GALNTL6: variants seen among roughly 807,000 people sequenced by gnomAD.
GALNTL6 encodes the protein polypeptide N-acetylgalactosaminyltransferase-like 6.
A neutral mutation model predicts 73.7 loss-of-function variants in GALNTL6; 46 were observed. The observed-to-expected ratio is 0.62, with a 90% CI of 0.49 to 0.80. The LOEUF (loss-of-function observed/expected upper bound fraction) is 0.80. Ranked by LOEUF, GALNTL6 falls within the 30% of genes least tolerant of loss-of-function variation. The pLI is 0.00. For missense variants in GALNTL6, 604 were observed against 755.0 expected (o/e 0.80, Z 2.34); for synonymous variants, 259 against 263.7 (o/e 0.98, Z 0.17).
intron 2 of GALNTL6, among the ~76,000 whole-genome samples, chr4:171,883,606 T>C (rs1736520940): frequency 6.6e-6 from 1 of 152,062 alleles, no homozygotes; most frequent in Admixed American, 6.6e-5. Context: ...AATAGGTTTG[T>C]CTGAGGATCT....
chr4:172,838,763 A>C (rs1743048612), intron 7 of GALNTL6, among the ~76,000 whole-genome samples: 1 of 152,198 alleles, frequency 6.6e-6, no homozygotes, highest in Non-Finnish European at 1.5e-5. Flanking sequence ...ATAGGCACCA[A>C]AGACTCCACT....
chr4:172,743,226 C>G (rs1736901550), intron 5 of GALNTL6, among the ~76,000 whole-genome samples: 1 of 152,112 alleles, frequency 6.6e-6, no homozygotes, highest in African/African-American at 2.4e-5. Flanking sequence ...TCTACTTGAT[C>G]AGAAGACCCA....
chr4:172,738,977 G>T (rs1040547419), intron 5 of GALNTL6, among the ~76,000 whole-genome samples: 7 of 152,178 alleles, frequency 4.6e-5, no homozygotes, highest in African/African-American at 9.7e-5. Flanking sequence ...CCATGCAGAT[G>T]AAGCCTCCAG....
At chr4:172,308,930 A>G (rs538435285) in intron 3 of GALNTL6, among the ~76,000 whole-genome samples, 75 of 152,318 alleles carry the variant, frequency 4.9e-4, no homozygotes, top group South Asian at 1.9e-3. Flanking sequence ...AAGTAATTTA[A>G]CACAATACTT....
At chr4:172,479,854 T>C (rs1392998456) in intron 5 of GALNTL6, among the ~76,000 whole-genome samples, 5 of 152,238 alleles carry the variant, frequency 3.3e-5, no homozygotes, top group Non-Finnish European at 7.3e-5. Flanking sequence ...GATTTTCTTA[T>C]AGCTATCAAG....
chr4:172,904,729 T>A (rs915078160), intron 8 of GALNTL6, among the ~76,000 whole-genome samples: 1 of 151,180 alleles, frequency 6.6e-6, no homozygotes, highest in African/African-American at 2.5e-5. Flanking sequence ...CCCAGTATTA[T>A]GTAGTCTCTC....
At chr4:171,886,076 C>T (rs1905930) in intron 2 of GALNTL6, among the ~76,000 whole-genome samples, 82,270 of 151,700 alleles carry the variant, frequency 0.54, 23,757 homozygotes, top group African/African-American at 0.76. Flanking sequence ...CATAAAGTTG[C>T]TAAAGGATAA....
chr4:172,409,203 G>A (rs1250471771), intron 5 of GALNTL6, among the ~76,000 whole-genome samples: 1 of 151,958 alleles, frequency 6.6e-6, no homozygotes, highest in Non-Finnish European at 1.5e-5. Flanking sequence ...CTAAATTAGT[G>A]TTTAAAGCAG....
At chr4:172,568,714 C>T (rs1467397748) in intron 5 of GALNTL6, among the ~76,000 whole-genome samples, 7 of 142,612 alleles carry the variant, frequency 4.9e-5, no homozygotes, top group African/African-American at 7.8e-5. Context: ...GCCGAGATTG[C>T]GCCACTGCAC....
At chr4:172,668,659 A>G (rs547241139) in intron 5 of GALNTL6, 1 of 152,210 alleles carries the variant, frequency 6.6e-6, no homozygotes, top group East Asian at 1.9e-4. Flanking sequence ...TTCACAATCT[A>G]TTGGCCTCTC....
chr4:172,606,699 AGTGTG>A (rs1738316986), intron 5 of GALNTL6, among the ~76,000 whole-genome samples: 1 of 82,322 alleles, frequency 1.2e-5, no homozygotes, highest in Non-Finnish European at 2.9e-5. Flanking sequence ...ATATATATAT[AGTGTG>A]TATATATATA....
Position 172,687,521 on chromosome 4 carries a change from G to A in GALNTL6, c.554-121840G>A, listed in dbSNP as rs534439471. On this transcript the variant is annotated intron_variant, in intron 5 of 12. Transcript: ENST00000506823. ...CGTGTACCTGTAATCCCAGCTACTTGGGAGGCTGGGGAAGGAGAATCGCTT... is the reference window on the plus strand; with the variant it reads ...CGTGTACCTGTAATCCCAGCTACTTAGGAGGCTGGGGAAGGAGAATCGCTT... Among the ~76,000 whole-genome samples the A allele has an allele frequency of 3.7e-3, 559 of 151,762 alleles. 3 individuals carry two copies. Among genetic ancestry groups the A allele is most frequent in the Non-Finnish European group, 5.9e-3 (404 of 67,940 alleles).
At chr4:171,818,086 T>C (rs553082316) in intron 2 of GALNTL6, among the ~76,000 whole-genome samples, 4 of 151,740 alleles carry the variant, frequency 2.6e-5, no homozygotes, top group South Asian at 4.2e-4. Context: ...GATTGCTATA[T>C]AGTCATTGTA....
chr4:172,481,336 G>A (rs746057843), intron 5 of GALNTL6, among the ~76,000 whole-genome samples: 1 of 152,072 alleles, frequency 6.6e-6, no homozygotes, highest in Non-Finnish European at 1.5e-5. Context: ...AGCTCATAAA[G>A]GCAGTGCGGA....
intron 5 of GALNTL6, among the ~76,000 whole-genome samples, chr4:172,378,071 G>A (rs1272403602): frequency 6.6e-6 from 1 of 152,178 alleles, no homozygotes; most frequent in Non-Finnish European, 1.5e-5. Context: ...GAGCGAGTGA[G>A]GGCTGCCAGC....
At position 172,882,847 on chromosome 4, in the gene GALNTL6, G is replaced by A; in HGVS notation, c.981G>A (p.Leu327=). 1 of 1,613,138 alleles carries A rather than the reference G, an allele frequency of 6.2e-7. No individual in the cohort carries two copies. The highest frequency in any genetic ancestry group is 1.1e-5 in the South Asian group (1 of 91,064). ...FAVDRKWFWE[L]GGYDPGLEIW... ...TGGATCGGAAATGGTTTTGGGAATT[G>A]GGTGGCTATGATCCAGGTTTAGAAA... The change falls in exon 8 of 13, where the codon TTG becomes TTA. Residue 327 remains leucine, a synonymous_variant. Coordinates refer to ENST00000506823, the MANE Select transcript of GALNTL6 (RefSeq NM_001034845.3).
chr4:172,957,337 T>C (rs1372795145), intron 10 of GALNTL6, among the ~76,000 whole-genome samples: 1 of 152,082 alleles, frequency 6.6e-6, no homozygotes, highest in Non-Finnish European at 1.5e-5. Flanking sequence ...GATGACAGAA[T>C]AGAATGGGCC....
At chr4:172,531,398 A>G (rs1329624973) in intron 5 of GALNTL6, among the ~76,000 whole-genome samples, 1 of 152,220 alleles carries the variant, frequency 6.6e-6, no homozygotes, top group Non-Finnish European at 1.5e-5. Context: ...AGGACATTTT[A>G]TATCACTTGT....
chr4:172,425,616 A>G (rs2111370713), intron 5 of GALNTL6, among the ~76,000 whole-genome samples: 1 of 152,200 alleles, frequency 6.6e-6, no homozygotes, highest in East Asian at 1.9e-4. Context: ...CCTTCTCATA[A>G]TAAGAGCAAA....
Sources: allele counts gnomAD v4.1 joint callset (sites outside exome capture counted in the v4.1 genomes callset), GRCh38; gene constraint gnomAD v4.1.1; transcripts MANE v1.5; gene names NCBI Gene and HGNC (gene_info 2026-07-23, HGNC 2026-07-21).